The following UHRF2 variants were observed in gnomAD, a reference collection of about 807,000 sequenced individuals.
UHRF2 encodes ubiquitin like with PHD and ring finger domains 2, also known as E3 ubiquitin-protein ligase UHRF2.
A neutral mutation model predicts 96.8 loss-of-function variants in UHRF2; 23 were observed. That is an observed-to-expected ratio of 0.24 (90% CI 0.17 to 0.34). The LOEUF is 0.34. UHRF2 is among the 10% of genes least tolerant of loss of function. The probability of loss-of-function intolerance (pLI) is 1.00; values close to 1 mark genes in which losing one functional copy is unlikely to be tolerated. For missense variants in UHRF2, 685 were observed against 981.5 expected, an observed-to-expected ratio of 0.70 and a Z score of 4.04; for synonymous variants, 385 against 332.6, an observed-to-expected ratio of 1.16 and a Z score of -1.72.
intron 8 of UHRF2, among the ~76,000 whole-genome samples, chr9:6,485,344 C>G (rs1166592172): frequency 1.3e-5 from 2 of 151,664 alleles, no homozygotes; most frequent in African/African-American, 4.8e-5. Context: ...ACCTGTCTGT[C>G]ACGTATTTAT....
Position 6,499,925 on chromosome 9 carries a change from T to A in UHRF2, c.1999T>A (p.Ser667Thr). 2.5e-6 allele frequency: 4 copies of A among 1,609,010 alleles called. No individual in the cohort carries two copies. The highest frequency in any genetic ancestry group is 3.4e-6 in the Non-Finnish European group (4 of 1,176,522). Reference protein sequence around the residue: ...QPSGTTKRPISDDDCPSASKV... With the variant: ...QPSGTTKRPITDDDCPSASKV... The stretch of plus-strand genomic sequence containing the variant: ...CAGTGGAACCACAAAAAGGCCAATT[T>A]CAGATGGTAGGTAATGATTGCAAAA... The change falls in exon 13 of 16, where the codon TCA becomes ACA. Residue 667 changes from serine to threonine, a missense_variant. Ser to Thr is a moderately conservative substitution (Grantham distance 58). Coordinates refer to ENST00000276893, the MANE Select transcript of UHRF2 (RefSeq NM_152896.3).
chr9:6,504,478 C>A (rs1816480267), intron 14 of UHRF2, 115 bp from the exon 15 acceptor site: 2 of 624,218 alleles, frequency 3.2e-6, no homozygotes, highest in Non-Finnish European at 5.5e-6. Context: ...ATCTTTTATG[C>A]TGGGAACATT....
intron 9 of UHRF2, chr9:6,492,953 G>C (rs1342684560): frequency 6.6e-6 from 1 of 151,026 alleles, no homozygotes; most frequent in African/African-American, 2.4e-5. Context: ...GTGTGATATG[G>C]GTGAACCCAC....
intron 8 of UHRF2, among the ~76,000 whole-genome samples, chr9:6,483,065 C>G (rs994800343): frequency 1.3e-5 from 2 of 152,094 alleles, no homozygotes; most frequent in African/African-American, 4.8e-5. Flanking sequence ...GTGGCTCACA[C>G]CTGTAATCTC....
At chr9:6,478,099 C>T (rs1204186520) in intron 6 of UHRF2, among the ~76,000 whole-genome samples, 1 of 152,170 alleles carries the variant, frequency 6.6e-6, no homozygotes, top group East Asian at 1.9e-4. Flanking sequence ...TTTATGTTGC[C>T]TTACAGGAGG....
At chr9:6,426,855 T>A (rs137906988) in intron 2 of UHRF2, among the ~76,000 whole-genome samples, 2,077 of 152,288 alleles carry the variant, frequency 0.014, 55 homozygotes, top group African/African-American at 0.048. Context: ...TTCAAGCGAT[T>A]CTACTGCTTC....
chr9:6,498,671 C>A (rs985902926), intron 12 of UHRF2: 1 of 153,574 alleles, frequency 6.5e-6, no homozygotes, highest in Non-Finnish European at 1.4e-5. Context: ...TGCCCATGCT[C>A]AGCTGTTAAC....
chr9:6,465,244 G>C (rs1822788887), intron 4 of UHRF2, among the ~76,000 whole-genome samples: 1 of 152,164 alleles, frequency 6.6e-6, no homozygotes, highest in African/African-American at 2.4e-5. Flanking sequence ...ACAGTGTTTT[G>C]TGTAGGATTT....
At chr9:6,456,120 C>T (rs1456357074) in intron 3 of UHRF2, among the ~76,000 whole-genome samples, 1 of 152,170 alleles carries the variant, frequency 6.6e-6, no homozygotes, top group Non-Finnish European at 1.5e-5. Context: ...CATGGTTTTA[C>T]TTTCTGATGA....
At chr9:6,500,876 T>C (rs1798526122) in intron 14 of UHRF2, among the ~76,000 whole-genome samples, 167 bp downstream of exon 14, 1 of 152,230 alleles carries the variant, frequency 6.6e-6, no homozygotes, top group Non-Finnish European at 1.5e-5. Flanking sequence ...CACATATACA[T>C]GCGCCTAAAT....
chr9:6,455,896 A>C (rs1024214211), intron 3 of UHRF2, among the ~76,000 whole-genome samples: 4 of 152,132 alleles, frequency 2.6e-5, no homozygotes, highest in African/African-American at 9.7e-5. Flanking sequence ...AGGTAAGAGG[A>C]TTGCTTGAGC....
At chr9:6,414,139 T>C (rs2130695103) in intron 1 of UHRF2, 1 of 152,668 alleles carries the variant, frequency 6.6e-6, no homozygotes, top group East Asian at 1.9e-4. Flanking sequence ...CTCTCAAGAA[T>C]AAGAACCCTA....
At chr9:6,495,532 A>G (rs1010395513) in intron 10 of UHRF2, 1 of 152,208 alleles carries the variant, frequency 6.6e-6, no homozygotes, top group Non-Finnish European at 1.5e-5. Flanking sequence ...CTTCTTTGCT[A>G]AGAGGTAGTT....
intron 4 of UHRF2, among the ~76,000 whole-genome samples, chr9:6,473,894 C>G (rs1003107275): frequency 2.6e-5 from 4 of 152,188 alleles, no homozygotes; most frequent in African/African-American, 7.2e-5. Flanking sequence ...TTAACCCATA[C>G]TTTGGGAATG....
intron 4 of UHRF2, among the ~76,000 whole-genome samples, chr9:6,461,658 C>T (rs191445678): frequency 6.6e-6 from 1 of 152,122 alleles, no homozygotes; most frequent in East Asian, 1.9e-4. Context: ...AGGTATGAGC[C>T]ACTGCGCCCA....
At chr9:6,450,536 T>C (rs924239936) in intron 3 of UHRF2, among the ~76,000 whole-genome samples, 1 of 152,210 alleles carries the variant, frequency 6.6e-6, no homozygotes, top group African/African-American at 2.4e-5. Flanking sequence ...AGGAGACACA[T>C]AATACTTTTC....
chr9:6,496,180 A>G (rs1824954239), intron 10 of UHRF2: 1 of 152,154 alleles, frequency 6.6e-6, no homozygotes, highest in African/African-American at 2.4e-5. Flanking sequence ...GCCTGCATAA[A>G]AAGAATTAAA....
chr9:6,498,293 A>C, intron 12 of UHRF2, 135 bp downstream of exon 12: 1 of 942,150 alleles, frequency 1.1e-6, no homozygotes, highest in Non-Finnish European at 1.5e-6. Flanking sequence ...AGATCATGCA[A>C]ATAGACAGAG....
At chr9:6,484,226 T>C (rs1038469431) in intron 8 of UHRF2, among the ~76,000 whole-genome samples, 1 of 152,052 alleles carries the variant, frequency 6.6e-6, no homozygotes, top group Non-Finnish European at 1.5e-5. Flanking sequence ...CCACCATGCC[T>C]GGCTGTGTTT....
Sources: gnomAD v4.1 joint callset for allele counts (sites outside exome capture counted in the v4.1 genomes callset) on GRCh38, gnomAD v4.1.1 for gene constraint, MANE v1.5 for transcripts, NCBI Gene and HGNC (gene_info 2026-07-23, HGNC 2026-07-21) for gene names.